KCNIP1: variants seen among roughly 807,000 people sequenced by gnomAD.
KCNIP1 encodes A-type potassium channel modulatory protein KCNIP1.
KCNIP1 carries 18 observed loss-of-function variants against 33.0 expected under a neutral mutation model. The ratio of observed to expected loss-of-function variants is 0.55; its 90% CI spans 0.38 to 0.81. The LOEUF (loss-of-function observed/expected upper bound fraction) is 0.81. KCNIP1 is among the 30% of genes least tolerant of loss of function. The probability of loss-of-function intolerance (pLI) is 0.00; values close to 1 mark genes in which losing one functional copy is unlikely to be tolerated. For missense variants in KCNIP1, 238 were observed against 271.6 expected (o/e 0.88, Z 0.87); for synonymous variants, 93 against 98.3 (o/e 0.95, Z 0.32).
chr5:170,414,763 C>T (rs1037413462), intron 1 of KCNIP1, among the ~76,000 whole-genome samples: 2 of 152,238 alleles, frequency 1.3e-5, no homozygotes, highest in Non-Finnish European at 2.9e-5. Context: ...TCATTACTTG[C>T]TATCCCTTCT....
At chr5:170,563,744 G>A (rs1159942995) in intron 1 of KCNIP1, among the ~76,000 whole-genome samples, 2 of 152,122 alleles carry the variant, frequency 1.3e-5, no homozygotes, top group South Asian at 2.1e-4. Context: ...AGGTTCAAAC[G>A]ATTCTCCTGC....
intron 1 of KCNIP1, among the ~76,000 whole-genome samples, chr5:170,664,536 CCAGAGCT>C (rs1490130897): frequency 6.6e-6 from 1 of 152,140 alleles, no homozygotes; most frequent in African/African-American, 2.4e-5. Flanking sequence ...GTCTCGAACT[CCAGAGCT>C]CAGGCAATCC....
chr5:170,375,035 T>C (rs1485980361), intron 1 of KCNIP1: 2 of 152,196 alleles, frequency 1.3e-5, no homozygotes, highest in Non-Finnish European at 2.9e-5. Flanking sequence ...CAAATTCAGG[T>C]GCATGGAAAC....
intron 1 of KCNIP1, among the ~76,000 whole-genome samples, chr5:170,472,186 G>C (rs918632216): frequency 1.8e-4 from 28 of 152,332 alleles, no homozygotes; most frequent in Admixed American, 1.4e-3. Context: ...CATCCTCTCT[G>C]GGCCTCAGCT....
chr5:170,392,074 T>G (rs368761903), intron 1 of KCNIP1, among the ~76,000 whole-genome samples: 8 of 151,670 alleles, frequency 5.3e-5, no homozygotes, highest in African/African-American at 1.5e-4. Flanking sequence ...GGGGCTCGAG[T>G]TCCCCCCACA....
At chr5:170,483,803 G>A (rs917752461) in intron 1 of KCNIP1, 7 of 152,236 alleles carry the variant, frequency 4.6e-5, no homozygotes, top group Non-Finnish European at 1.5e-5. Context: ...TCTGCAGTCA[G>A]GGAGCTTTCA....
At chr5:170,593,464 G>A (rs976973911) in intron 1 of KCNIP1, among the ~76,000 whole-genome samples, 55 of 152,324 alleles carry the variant, frequency 3.6e-4, no homozygotes, top group African/African-American at 1.3e-3. Context: ...GGTGTGTGGA[G>A]GCCGAGTAAC....
intron 1 of KCNIP1, among the ~76,000 whole-genome samples, chr5:170,660,536 A>G (rs1420621593): frequency 6.6e-6 from 1 of 152,168 alleles, no homozygotes; most frequent in Non-Finnish European, 1.5e-5. Context: ...GGTGGCAGCT[A>G]AAGAGCTAGG....
chr5:170,388,603 G>A (rs1370019329), intron 1 of KCNIP1, among the ~76,000 whole-genome samples: 1 of 152,210 alleles, frequency 6.6e-6, no homozygotes, highest in Non-Finnish European at 1.5e-5. Context: ...AGTGTCCTGG[G>A]TGACCTGATA....
At chr5:170,706,695 G>C (rs1763266258) in intron 1 of KCNIP1, among the ~76,000 whole-genome samples, 1 of 152,158 alleles carries the variant, frequency 6.6e-6, no homozygotes, top group Admixed American at 6.5e-5. Flanking sequence ...TACTATTCTT[G>C]TGGCAATTTT....
intron 1 of KCNIP1, among the ~76,000 whole-genome samples, chr5:170,368,747 A>G (rs1763768175): frequency 6.6e-6 from 1 of 152,202 alleles, no homozygotes; most frequent in South Asian, 2.1e-4. Flanking sequence ...CCATGTGGCA[A>G]TACACCCCGA....
chr5:170,633,610 A>C (rs754504257), intron 1 of KCNIP1, among the ~76,000 whole-genome samples: 3 of 148,118 alleles, frequency 2.0e-5, no homozygotes, highest in Non-Finnish European at 4.5e-5. Flanking sequence ...AATGTTTCAG[A>C]ATGAGCTAAA....
intron 1 of KCNIP1, among the ~76,000 whole-genome samples, chr5:170,687,366 GAGAC>G (rs1466448725): frequency 6.6e-6 from 1 of 152,074 alleles, no homozygotes; most frequent in African/African-American, 2.4e-5. Flanking sequence ...ATTTTTGGTA[GAGAC>G]AGGGTTTCAT....
intron 1 of KCNIP1, among the ~76,000 whole-genome samples, chr5:170,358,493 C>T (rs949324134): frequency 3.9e-5 from 6 of 152,192 alleles, no homozygotes; most frequent in Non-Finnish European, 5.9e-5. Flanking sequence ...TTCAAGCAGG[C>T]CAGGCTGGAG....
chr5:170,450,297 C>T (rs927903311), intron 1 of KCNIP1, among the ~76,000 whole-genome samples: 7 of 152,142 alleles, frequency 4.6e-5, no homozygotes, highest in Non-Finnish European at 8.8e-5. Context: ...GTCCCTTAGC[C>T]GTGCAGCCAG....
At chr5:170,678,968 A>AT (rs1426663042) in intron 1 of KCNIP1, 1 of 152,216 alleles carries the variant, frequency 6.6e-6, no homozygotes, top group Non-Finnish European at 1.5e-5. Context: ...TTAGTTCCGC[A>AT]TATCTGGATA....
At chr5:170,516,707 C>T (rs1447398679) in intron 1 of KCNIP1, among the ~76,000 whole-genome samples, 1 of 152,176 alleles carries the variant, frequency 6.6e-6, no homozygotes, top group Non-Finnish European at 1.5e-5. Flanking sequence ...TGAAATAGAA[C>T]TGAAGGCCAG....
chr5:170,401,889 G>T (rs1023914792), intron 1 of KCNIP1, among the ~76,000 whole-genome samples: 2 of 152,168 alleles, frequency 1.3e-5, no homozygotes, highest in Admixed American at 1.3e-4. Flanking sequence ...CAAACTGGGT[G>T]GGTGGTTTAA....
chr5:170,415,876 G>C (rs913039608), intron 1 of KCNIP1, among the ~76,000 whole-genome samples: 1 of 152,132 alleles, frequency 6.6e-6, no homozygotes, highest in Non-Finnish European at 1.5e-5. Context: ...CCATGAAATT[G>C]CCAGCCCTGG....
Sources: gnomAD v4.1 joint callset for allele counts (sites outside exome capture counted in the v4.1 genomes callset) on GRCh38, gnomAD v4.1.1 for gene constraint, MANE v1.5 for transcripts, NCBI Gene and HGNC (gene_info 2026-07-23, HGNC 2026-07-21) for gene names.